The following TOX variants were observed in gnomAD, a reference collection of about 807,000 sequenced individuals.
The protein encoded by TOX is thymocyte selection-associated high mobility group box protein TOX.
In TOX, 11 loss-of-function variants were observed where a neutral mutation model predicts 53.7. That is an observed-to-expected ratio of 0.20 (90% CI 0.13 to 0.34). The LOEUF is 0.34. Ranked by LOEUF, TOX falls within the 10% of genes least tolerant of loss-of-function variation. The pLI, the probability that TOX is intolerant of heterozygous loss-of-function variation, is 1.00. For synonymous variants in TOX, 225 were observed against 245.3 expected, an observed-to-expected ratio of 0.92 and a Z score of 0.77; for missense variants, 570 against 664.6, an observed-to-expected ratio of 0.86 and a Z score of 1.56.
chr8:59,092,642 T>C (rs886342538), intron 1 of TOX, among the ~76,000 whole-genome samples: 1 of 152,052 alleles, frequency 6.6e-6, no homozygotes, highest in African/African-American at 2.4e-5. Flanking sequence ...CATCCTGTGC[T>C]GGTCTCTTCA....
At chr8:58,978,684 C>T (rs1342932164) in intron 1 of TOX, among the ~76,000 whole-genome samples, 2 of 152,196 alleles carry the variant, frequency 1.3e-5, no homozygotes, top group Non-Finnish European at 2.9e-5. Flanking sequence ...ACCTCCCCCA[C>T]TATAAACATG....
intron 1 of TOX, among the ~76,000 whole-genome samples, chr8:59,090,053 A>T (rs1293072382): frequency 6.6e-6 from 1 of 152,228 alleles, no homozygotes; most frequent in Non-Finnish European, 1.5e-5. Context: ...ATACAAAACC[A>T]TTTGTTTCCT....
chr8:58,949,910 G>A (rs548316202), intron 2 of TOX, among the ~76,000 whole-genome samples: 2 of 142,706 alleles, frequency 1.4e-5, no homozygotes, highest in South Asian at 2.3e-4. Flanking sequence ...ATATACACGT[G>A]TAATATACAA....
intron 1 of TOX, among the ~76,000 whole-genome samples, chr8:59,044,035 C>A (rs1467617029): frequency 2.6e-5 from 4 of 152,112 alleles, no homozygotes; most frequent in Admixed American, 6.5e-5. Flanking sequence ...TTGGAACCCA[C>A]CAAATTCTCT....
chr8:59,034,075 T>C, intron 1 of TOX, among the ~76,000 whole-genome samples: 1 of 151,994 alleles, frequency 6.6e-6, no homozygotes, highest in Admixed American at 6.5e-5. Flanking sequence ...CCCCAACGAG[T>C]TCCCATCAGA....
chr8:58,997,625 T>C (rs936525931), intron 1 of TOX, among the ~76,000 whole-genome samples: 4 of 152,230 alleles, frequency 2.6e-5, no homozygotes, highest in Non-Finnish European at 5.9e-5. Context: ...TGACAAAATC[T>C]TGCTGGGCAT....
At chr8:59,075,605 G>C (rs192480589) in intron 1 of TOX, among the ~76,000 whole-genome samples, 8 of 152,094 alleles carry the variant, frequency 5.3e-5, no homozygotes, top group African/African-American at 1.7e-4. Context: ...TTCTTATAGG[G>C]GCCCCACTTG....
intron 7 of TOX, 130 bp from the exon 8 acceptor site, chr8:58,808,399 G>T (rs563125254): frequency 8.6e-6 from 10 of 1,158,392 alleles, no homozygotes; most frequent in South Asian, 2.1e-5. Flanking sequence ...CAAGCCTGTC[G>T]GAAGAGCCCA....
intron 1 of TOX, among the ~76,000 whole-genome samples, chr8:58,989,861 T>C (rs938798557): frequency 6.6e-6 from 1 of 152,170 alleles, no homozygotes; most frequent in Non-Finnish European, 1.5e-5. Context: ...CTGGCTCCAG[T>C]TGGCAGACTG....
intron 1 of TOX, among the ~76,000 whole-genome samples, chr8:59,026,620 G>T (rs1814243903): frequency 6.6e-6 from 1 of 152,082 alleles, no homozygotes; most frequent in African/African-American, 2.4e-5. Context: ...CCATAAGCCT[G>T]TAACCCTTGG....
At chr8:58,847,749 A>G (rs1184135955) in intron 4 of TOX, among the ~76,000 whole-genome samples, 1 of 152,152 alleles carries the variant, frequency 6.6e-6, no homozygotes, top group Non-Finnish European at 1.5e-5. Flanking sequence ...TCTCAAAAGC[A>G]GTCAGAGAGT....
intron 7 of TOX, among the ~76,000 whole-genome samples, chr8:58,811,226 G>A (rs1563359084): frequency 6.6e-6 from 1 of 151,868 alleles, no homozygotes. Context: ...CACACTTTTT[G>A]AAAAAATGTT....
At chr8:58,902,386 G>A (rs756298949) in intron 3 of TOX, among the ~76,000 whole-genome samples, 2 of 152,072 alleles carry the variant, frequency 1.3e-5, no homozygotes, top group Admixed American at 6.6e-5. Flanking sequence ...GTTCTAAATC[G>A]GTGCCAGATG....
chr8:58,972,837 T>C (rs1477155315), intron 1 of TOX, among the ~76,000 whole-genome samples: 2 of 152,214 alleles, frequency 1.3e-5, no homozygotes, highest in Non-Finnish European at 2.9e-5. Context: ...TTTTTACCAT[T>C]AAGTAAATTA....
intron 1 of TOX, among the ~76,000 whole-genome samples, chr8:59,025,664 G>T (rs1450336504): frequency 6.6e-6 from 1 of 151,986 alleles, no homozygotes; most frequent in Non-Finnish European, 1.5e-5. Flanking sequence ...CTCTCAATCG[G>T]CCTGGTGACT....
intron 1 of TOX, among the ~76,000 whole-genome samples, chr8:58,982,025 T>G (rs1387757928): frequency 6.6e-6 from 1 of 152,176 alleles, no homozygotes; most frequent in African/African-American, 2.4e-5. Flanking sequence ...AACCACCCAC[T>G]GAAGTTACTA....
chr8:59,088,616 A>G (rs929198477), intron 1 of TOX, among the ~76,000 whole-genome samples: 4 of 152,246 alleles, frequency 2.6e-5, no homozygotes, highest in Non-Finnish European at 4.4e-5. Context: ...GGTATTAGTC[A>G]GCCGTTCCCC....
At chr8:58,925,630 G>A (rs957458857) in intron 3 of TOX, among the ~76,000 whole-genome samples, 1 of 152,152 alleles carries the variant, frequency 6.6e-6, no homozygotes, top group Non-Finnish European at 1.5e-5. Flanking sequence ...CACCTAGGAC[G>A]AGCCCATCTT....
intron 1 of TOX, among the ~76,000 whole-genome samples, chr8:59,012,529 A>C (rs754780383): frequency 1.3e-4 from 20 of 151,978 alleles, no homozygotes; most frequent in Non-Finnish European, 2.6e-4. Context: ...ATGAGATCAC[A>C]ATTTTTTTTC....
Sources: gnomAD v4.1 joint callset for allele counts (sites outside exome capture counted in the v4.1 genomes callset) on GRCh38, gnomAD v4.1.1 for gene constraint, MANE v1.5 for transcripts, NCBI Gene and HGNC (gene_info 2026-07-23, HGNC 2026-07-21) for gene names.